Variants in PARVA observed in about 807,000 individuals in gnomAD.
The protein encoded by PARVA is parvin alpha.
Under a neutral mutation model 52.6 loss-of-function variants are expected in PARVA, and 25 were observed. That is an observed-to-expected ratio of 0.48 (90% CI 0.35 to 0.66). The LOEUF (loss-of-function observed/expected upper bound fraction) is 0.66. Among genes scored for constraint, PARVA ranks in the 30% least tolerant of loss-of-function variants. The pLI is 0.01. For synonymous variants in PARVA, 185 were observed against 179.1 expected (o/e 1.03, Z -0.26); for missense variants, 373 against 450.9 (o/e 0.83, Z 1.56).
At chr11:12,378,026 C>G (rs1939428531) in intron 1 of PARVA, among the ~76,000 whole-genome samples, 1 of 149,368 alleles carries the variant, frequency 6.7e-6, no homozygotes, top group Non-Finnish European at 1.5e-5. Context: ...GGGCGCTGCC[C>G]TCCTGGGCCG....
intron 6 of PARVA, among the ~76,000 whole-genome samples, chr11:12,507,825 G>A (rs1009381688): frequency 9.9e-5 from 15 of 152,060 alleles, no homozygotes; most frequent in Admixed American, 3.9e-4. Context: ...CTTCTATCCC[G>A]ATTGACTTTA....
At position 12,508,588 on chromosome 11, in the gene PARVA, G is replaced by A. The variant is rs537951619; in HGVS notation, c.662G>A (p.Arg221Gln). ...VSIQVVVVQKREGILQSRQIQ... is the reference protein window; with the variant it reads ...VSIQVVVVQKQEGILQSRQIQ... ...CTTTCCCCACCCCCATTTCAGAAAC[G>A]AGAAGGAATCCTCCAGTCTCGGCAA... The change falls in exon 7 of 13, where the codon CGA becomes CAA. Residue 221 changes from arginine (R) to glutamine (Q), a missense_variant. By Grantham distance (43) the Arg-to-Gln change is conservative (BLOSUM62 1). Coordinates refer to ENST00000334956, the MANE Select transcript of PARVA (RefSeq NM_018222.5). The A allele has an allele frequency of 7.5e-6, 12 of 1,607,714 alleles. No homozygotes were observed. Among genetic ancestry groups the A allele is most frequent in the South Asian group, 4.4e-5 (4 of 90,530 alleles).
intron 1 of PARVA, among the ~76,000 whole-genome samples, chr11:12,459,199 C>T (rs535525058): frequency 1.3e-3 from 190 of 151,608 alleles, no homozygotes; most frequent in Non-Finnish European, 1.7e-3. Context: ...CCCAGGGGTT[C>T]GAGACCAGCC....
At chr11:12,514,955 CT>C (rs1416844609) in intron 10 of PARVA, among the ~76,000 whole-genome samples, 1 of 152,208 alleles carries the variant, frequency 6.6e-6, no homozygotes, top group Non-Finnish European at 1.5e-5. Context: ...GGCACTGACA[CT>C]TTTTGAAGTG....
intron 1 of PARVA, among the ~76,000 whole-genome samples, chr11:12,427,908 G>A (rs1940261062): frequency 6.6e-6 from 1 of 152,226 alleles, no homozygotes. Context: ...GTCCAGGCGT[G>A]TGTCCCCGAA....
intron 4 of PARVA, among the ~76,000 whole-genome samples, chr11:12,487,562 C>A (rs1380366325): frequency 6.6e-6 from 1 of 152,080 alleles, no homozygotes; most frequent in Non-Finnish European, 1.5e-5. Flanking sequence ...CCACGTTGGA[C>A]AATTAAAAAA....
chr11:12,440,037 T>C (rs1052358150), intron 1 of PARVA, among the ~76,000 whole-genome samples: 1 of 152,206 alleles, frequency 6.6e-6, no homozygotes, highest in African/African-American at 2.4e-5. Flanking sequence ...CTTTCCATTG[T>C]TTCTCTCCTT....
chr11:12,497,286 G>T lies in PARVA; in HGVS notation c.541+688G>T, dbSNP rs572428092. On this transcript the variant is annotated intron_variant, in intron 5 of 12. Coordinates refer to ENST00000334956, the MANE Select transcript of PARVA (RefSeq NM_018222.5). ...TAGGTGAATCTAGCAGTAGCAACTG[G>T]ATTCCAAAGTTTATTGTAATAGATA... Among the ~76,000 whole-genome samples the T allele has an allele frequency of 5.9e-5, 9 of 152,210 alleles. No homozygotes were observed. In the South Asian group the frequency reaches 1.9e-3, roughly 32 times the overall value.
intron 1 of PARVA, among the ~76,000 whole-genome samples, chr11:12,395,328 A>C (rs142708414): frequency 1.3e-5 from 2 of 152,292 alleles, no homozygotes; most frequent in African/African-American, 4.8e-5. Context: ...AGAGCACCGA[A>C]TGTGTTTACC....
chr11:12,509,271 G>C (rs746669154), intron 7 of PARVA, among the ~76,000 whole-genome samples: 1 of 152,060 alleles, frequency 6.6e-6, no homozygotes, highest in Non-Finnish European at 1.5e-5. Flanking sequence ...CTGCTCCCCA[G>C]ACTTTTCTCT....
intron 4 of PARVA, chr11:12,479,387 C>G (rs147962414): frequency 1.3e-5 from 2 of 152,008 alleles, no homozygotes; most frequent in Admixed American, 6.6e-5. Context: ...ATTGCAGTCT[C>G]GACCTCCAGG....
intron 1 of PARVA, among the ~76,000 whole-genome samples, chr11:12,416,674 A>G (rs141492377): frequency 1.1e-3 from 173 of 152,064 alleles, no homozygotes; most frequent in African/African-American, 3.6e-3. Flanking sequence ...GCGAGTGGAG[A>G]GAAAGAAGGA....
Position 12,534,763 on chromosome 11 carries a change from G to A in PARVA, c.*6838G>A, listed in dbSNP as rs1277009161. On this transcript the variant is annotated 3_prime_UTR_variant, in exon 13 of 13. Coordinates refer to ENST00000334956, the MANE Select transcript of PARVA (RefSeq NM_018222.5). ...GGCTGCACAACTCTCTGGCTGCTATGTGTCTTCCTGGAAACCCTGTCAAAG... is the reference window on the plus strand; with the variant it reads ...GGCTGCACAACTCTCTGGCTGCTATATGTCTTCCTGGAAACCCTGTCAAAG... Among the ~76,000 whole-genome samples, 1 of 152,226 alleles carries A rather than the reference G, an allele frequency of 6.6e-6. No individual in the cohort carries two copies. The highest frequency in any genetic ancestry group is 2.1e-4 in the South Asian group (1 of 4,832).
At chr11:12,398,911 A>T (rs370679137) in intron 1 of PARVA, among the ~76,000 whole-genome samples, 1 of 152,184 alleles carries the variant, frequency 6.6e-6, no homozygotes, top group South Asian at 2.1e-4. Flanking sequence ...GGGCACTTAC[A>T]TAGACCTTAT....
intron 1 of PARVA, among the ~76,000 whole-genome samples, chr11:12,383,387 C>T (rs1201688485): frequency 6.6e-6 from 1 of 152,246 alleles, no homozygotes; most frequent in Non-Finnish European, 1.5e-5. Flanking sequence ...GCCAGCAGCA[C>T]TGGTCATTCC....
intron 10 of PARVA, among the ~76,000 whole-genome samples, chr11:12,515,504 G>A (rs1941557211): frequency 6.6e-6 from 1 of 152,184 alleles, no homozygotes; most frequent in Admixed American, 6.5e-5. Context: ...AGGGGTCACT[G>A]CCAAGCACTT....
At chr11:12,462,145 C>G (rs1309342445) in intron 1 of PARVA, among the ~76,000 whole-genome samples, 1 of 152,160 alleles carries the variant, frequency 6.6e-6, no homozygotes, top group Non-Finnish European at 1.5e-5. Context: ...GTATTAAGAA[C>G]AGAACTTGTT....
intron 1 of PARVA, among the ~76,000 whole-genome samples, chr11:12,463,201 AC>A (rs2135025818): frequency 6.6e-6 from 1 of 152,270 alleles, no homozygotes; most frequent in Non-Finnish European, 1.5e-5. Context: ...TTACTAACTT[AC>A]AGTTAGTGAT....
chr11:12,417,907 G>A (rs1457843606), intron 1 of PARVA, among the ~76,000 whole-genome samples: 1 of 152,212 alleles, frequency 6.6e-6, no homozygotes, highest in Non-Finnish European at 1.5e-5. Flanking sequence ...TGGCCAGGGA[G>A]CACCTCCTAC....
Sources: allele counts gnomAD v4.1 joint callset (sites outside exome capture counted in the v4.1 genomes callset), GRCh38; gene constraint gnomAD v4.1.1; transcripts MANE v1.5; gene names NCBI Gene and HGNC (gene_info 2026-07-23, HGNC 2026-07-21).